Variants in FAM120B observed in about 807,000 individuals in gnomAD.
FAM120B encodes the protein constitutive coactivator of peroxisome proliferator-activated receptor gamma.
In FAM120B, 83 loss-of-function variants were observed where a neutral mutation model predicts 96.3. The ratio of observed to expected loss-of-function variants is 0.86; its 90% CI spans 0.72 to 1.03. The LOEUF (loss-of-function observed/expected upper bound fraction) is 1.03, where lower values mean the gene tolerates loss of function less well. Among genes scored for constraint, FAM120B ranks in the 50% least tolerant of loss-of-function variants. The pLI is 0.00. For synonymous variants in FAM120B, 407 were observed against 402.7 expected (o/e 1.01, Z -0.13); for missense variants, 1,027 against 1,121.2 (o/e 0.92, Z 1.20).
chr6:170,364,957 T>C (rs1362073352), intron 6 of FAM120B, among the ~76,000 whole-genome samples: 2 of 152,250 alleles, frequency 1.3e-5, no homozygotes, highest in Non-Finnish European at 2.9e-5. Flanking sequence ...GATGATTTTC[T>C]GATTCACTGG....
At chr6:170,380,278 G>A (rs950223396) in intron 6 of FAM120B, among the ~76,000 whole-genome samples, 1 of 151,866 alleles carries the variant, frequency 6.6e-6, no homozygotes, top group Non-Finnish European at 1.5e-5. Context: ...GGTTGGTTCT[G>A]TGCTTTGGCT....
intron 5 of FAM120B, among the ~76,000 whole-genome samples, chr6:170,349,145 C>T (rs1787413896): frequency 6.6e-6 from 1 of 152,178 alleles, no homozygotes; most frequent in Non-Finnish European, 1.5e-5. Context: ...TGCTTTGCTC[C>T]TCCCCACCTC....
intron 4 of FAM120B, among the ~76,000 whole-genome samples, chr6:170,331,989 G>A (rs1432051304): frequency 1.3e-5 from 2 of 152,288 alleles, no homozygotes. Context: ...TTTATACGGA[G>A]GGCCACGTCT....
At position 170,318,383 on chromosome 6, in the gene FAM120B, G is replaced by C. The variant is rs770855269; in HGVS notation, c.993G>C (p.Thr331=). The change falls in exon 2 of 11, where the codon ACG becomes ACC. Residue 331 remains threonine (T), a synonymous_variant. Transcript: ENST00000476287. ...VITLDKQVIS[T]SSDAESREEV... is the part of the protein sequence containing the mutation. ...CTTTGGACAAACAAGTAATATCCAC[G>C]AGTTCAGACGCCGAATCCAGGGAAG... The C allele has an allele frequency of 1.2e-5, 19 of 1,614,104 alleles. No homozygotes were observed. Among genetic ancestry groups the C allele is most frequent in the Middle Eastern group, 1.6e-4 (1 of 6,084 alleles).
chr6:170,364,682 A>C (rs1424597937), intron 6 of FAM120B, among the ~76,000 whole-genome samples: 1 of 152,126 alleles, frequency 6.6e-6, no homozygotes, highest in Non-Finnish European at 1.5e-5. Flanking sequence ...GGTTCTCTAC[A>C]ATTCTAGTCT....
chr6:170,398,645 G>A (rs1778350662), intron 9 of FAM120B, among the ~76,000 whole-genome samples: 1 of 144,092 alleles, frequency 6.9e-6, no homozygotes, highest in African/African-American at 2.7e-5. Flanking sequence ...GTAGAACTAT[G>A]TCATAACTCT....
chr6:170,338,762 T>C (rs1786609826), intron 4 of FAM120B, among the ~76,000 whole-genome samples: 1 of 152,092 alleles, frequency 6.6e-6, no homozygotes, highest in East Asian at 1.9e-4. Flanking sequence ...TTGATCCCTT[T>C]ACCATTATGT....
chr6:170,358,229 G>T lies in FAM120B; in HGVS notation c.2194G>T (p.Asp732Tyr). 1 of 1,599,524 alleles carries T rather than the reference G, an allele frequency of 6.3e-7. No individual in the cohort carries two copies. Among genetic ancestry groups the T allele is most frequent in the South Asian group, 1.1e-5 (1 of 89,436 alleles). ...CLLIYLFVQV[D>Y]TLCLEDLHAF... is the part of the protein sequence containing the mutation. ...GGCCTTTCTCTGTCCTTTTCAGGTG[G>T]ACACGCTTTGCCTGGAGGATTTGCA... The change falls in exon 6 of 11, where the codon GAC becomes TAC. Residue 732 changes from aspartate to tyrosine, a missense_variant. Asp to Tyr is a radical substitution (Grantham distance 160). This residue lies in a region of FAM120B where 880 missense variants were observed against 980.9 expected (regional missense o/e 0.90). Coordinates refer to ENST00000476287, the MANE Select transcript of FAM120B (RefSeq NM_032448.3).
At chr6:170,329,033 G>A (rs1033187082) in intron 3 of FAM120B, among the ~76,000 whole-genome samples, 2 of 151,618 alleles carry the variant, frequency 1.3e-5, no homozygotes, top group Non-Finnish European at 2.9e-5. Context: ...TTTGCTGGTG[G>A]TGGAAGCTCC....
chr6:170,364,391 C>T (rs558411343), intron 6 of FAM120B, among the ~76,000 whole-genome samples: 1 of 152,290 alleles, frequency 6.6e-6, no homozygotes, highest in South Asian at 2.1e-4. Flanking sequence ...GGTGAGAAGC[C>T]AGAGTGTCCC....
upstream of FAM120B, among the ~76,000 whole-genome samples, chr6:170,302,022 G>A (rs1009897107): frequency 1.3e-5 from 2 of 152,032 alleles, no homozygotes; most frequent in Non-Finnish European, 2.9e-5. Context: ...CACATTTTTG[G>A]GTATCTTTAC....
chr6:170,296,639 G>A (rs923474603), intron 1 of FAM120B, among the ~76,000 whole-genome samples: 1 of 151,878 alleles, frequency 6.6e-6, no homozygotes, highest in Admixed American at 6.6e-5. Context: ...CGGGGTCGGC[G>A]GGCGGGGCCG....
chr6:170,359,278 A>G (rs578113132), intron 6 of FAM120B, among the ~76,000 whole-genome samples: 9 of 152,128 alleles, frequency 5.9e-5, no homozygotes, highest in African/African-American at 1.9e-4. Flanking sequence ...CTGTAATCCT[A>G]GCTACTTGCA....
intron 9 of FAM120B, among the ~76,000 whole-genome samples, chr6:170,398,083 G>A (rs927525620): frequency 3.9e-5 from 6 of 152,220 alleles, no homozygotes; most frequent in Non-Finnish European, 7.3e-5. Flanking sequence ...AAGAGGCTAC[G>A]GGTTCTGCAG....
chr6:170,322,520 T>G (rs1468464056), intron 2 of FAM120B, among the ~76,000 whole-genome samples: 1 of 152,186 alleles, frequency 6.6e-6, no homozygotes, highest in Non-Finnish European at 1.5e-5. Flanking sequence ...TTGAGTACTC[T>G]TGAGGAGCAA....
Position 170,406,704 on chromosome 6 carries a change from TAA to T in FAM120B, c.*1954_*1955del, listed in dbSNP as rs993905769. 6 of 152,190 alleles carry T rather than the reference TAA, an allele frequency of 3.9e-5. No individual in the cohort carries two copies. 9.4% of individuals were successfully genotyped at this position (152,190 alleles called of 1,614,324 possible). On this transcript the variant is annotated 3_prime_UTR_variant, in exon 11 of 11. Transcript: ENST00000476287. ...AGGATTTCCCTATGTCAGTAAACAT[TAA>T]CTTTCTATTTCTTCCATTTTTGCTC...
chr6:170,358,412 A>T (rs1185674784), intron 6 of FAM120B, 94 bp downstream of exon 6: 19 of 914,826 alleles, frequency 2.1e-5, no homozygotes, highest in Non-Finnish European at 2.2e-5. Flanking sequence ...CACAGAAAAG[A>T]TCAGGAAGGT....
intron 7 of FAM120B, among the ~76,000 whole-genome samples, chr6:170,389,316 C>T (rs1790358533): frequency 6.6e-6 from 1 of 152,136 alleles, no homozygotes; most frequent in South Asian, 2.1e-4. Context: ...TTCACTGCAT[C>T]CATCACATGA....
At chr6:170,344,024 G>T (rs968225319) in intron 4 of FAM120B, among the ~76,000 whole-genome samples, 2 of 146,828 alleles carry the variant, frequency 1.4e-5, no homozygotes, top group East Asian at 4.4e-4. Flanking sequence ...CACCTGCACC[G>T]TTGCCTGCGG....
Sources: gnomAD v4.1 joint callset for allele counts (sites outside exome capture counted in the v4.1 genomes callset) on GRCh38, gnomAD v4.1.1 for gene constraint, gnomAD v4.1.1 regional missense constraint, MANE v1.5 for transcripts, NCBI Gene and HGNC (gene_info 2026-07-23, HGNC 2026-07-21) for gene names.